The following LNX2 variants were observed in gnomAD, a reference collection of about 807,000 sequenced individuals.
LNX2 encodes the protein ligand of Numb protein X 2.
Under a neutral mutation model 66.2 loss-of-function variants are expected in LNX2, and 35 were observed. The ratio of observed to expected loss-of-function variants is 0.53; its 90% CI spans 0.40 to 0.70. LNX2 has a LOEUF of 0.70. LNX2 is among the 30% of genes least tolerant of loss of function. The pLI is 0.00. For synonymous variants in LNX2, 337 were observed against 315.6 expected, an observed-to-expected ratio of 1.07 and a Z score of -0.72; for missense variants, 791 against 850.8, an observed-to-expected ratio of 0.93 and a Z score of 0.87.
chr13:27,604,800 C>A (rs1241016155), intron 1 of LNX2, among the ~76,000 whole-genome samples: 1 of 151,018 alleles, frequency 6.6e-6, no homozygotes, highest in Non-Finnish European at 1.5e-5. Context: ...CTTATGCTTG[C>A]TCCTAAATTG....
chr13:27,592,256 T>C (rs1039310274), intron 1 of LNX2, among the ~76,000 whole-genome samples: 6 of 152,122 alleles, frequency 3.9e-5, no homozygotes, highest in African/African-American at 1.4e-4. Flanking sequence ...ATGATGAACA[T>C]AGTTGAGATA....
chr13:27,580,016 A>G (rs1477910499), intron 2 of LNX2, among the ~76,000 whole-genome samples: 2 of 152,172 alleles, frequency 1.3e-5, no homozygotes, highest in Non-Finnish European at 2.9e-5. Flanking sequence ...GCATTCTATA[A>G]ATCTAAATGT....
intron 1 of LNX2, among the ~76,000 whole-genome samples, chr13:27,586,293 C>T (rs1399069559): frequency 6.6e-6 from 1 of 152,016 alleles, no homozygotes; most frequent in African/African-American, 2.4e-5. Flanking sequence ...AAACCCATTC[C>T]TTCTGGCTTT....
intron 1 of LNX2, among the ~76,000 whole-genome samples, chr13:27,607,042 C>T (rs1420420785): frequency 6.6e-6 from 1 of 152,134 alleles, no homozygotes; most frequent in Non-Finnish European, 1.5e-5. Flanking sequence ...TTAATTATCA[C>T]ATTTATCTGC....
chr13:27,586,450 G>A (rs1172879090), intron 1 of LNX2, among the ~76,000 whole-genome samples: 1 of 152,156 alleles, frequency 6.6e-6, no homozygotes, highest in East Asian at 1.9e-4. Context: ...TGCTTTGTGT[G>A]CAAGCTGGCT....
intron 1 of LNX2, among the ~76,000 whole-genome samples, chr13:27,596,825 A>G (rs1439087712): frequency 6.6e-6 from 1 of 152,094 alleles, no homozygotes; most frequent in East Asian, 1.9e-4. Flanking sequence ...AAGGAAATAC[A>G]ATTGAATAGA....
intron 1 of LNX2, among the ~76,000 whole-genome samples, chr13:27,592,006 T>C (rs1955550303): frequency 6.6e-6 from 1 of 152,204 alleles, no homozygotes; most frequent in Non-Finnish European, 1.5e-5. Context: ...ATGTCCCTGG[T>C]GTGTTCAATG....
At position 27,567,874 on chromosome 13, in the gene LNX2, T is replaced by C. The variant is rs755705226; in HGVS notation, c.656-35A>G. 8 of 1,571,802 alleles carry C rather than the reference T, an allele frequency of 5.1e-6. No homozygotes were observed. In the African/African-American group the frequency reaches 6.8e-5, roughly 13 times the overall value. On this transcript the variant is annotated intron_variant, in intron 3 of 9. Coordinates refer to ENST00000316334, the MANE Select transcript of LNX2 (RefSeq NM_153371.4). Reference sequence around the variant, plus strand: ...TAAAAATGAGACAGACAAAAACAGATGTTAAAAAAATAAACAAACCCAACA... The same window carrying C: ...TAAAAATGAGACAGACAAAAACAGACGTTAAAAAAATAAACAAACCCAACA...
chr13:27,558,074 T>C (rs189337676), intron 6 of LNX2, among the ~76,000 whole-genome samples: 3 of 151,502 alleles, frequency 2.0e-5, no homozygotes, highest in Admixed American at 1.3e-4. Flanking sequence ...AGGAACTTCC[T>C]AAAACAAACA....
intron 1 of LNX2, among the ~76,000 whole-genome samples, chr13:27,598,033 A>T (rs901933402): frequency 2.0e-5 from 3 of 152,176 alleles, no homozygotes; most frequent in African/African-American, 7.2e-5. Flanking sequence ...TCAATTTACA[A>T]CAAATGTCCA....
intron 1 of LNX2, among the ~76,000 whole-genome samples, chr13:27,619,407 G>T (rs1466203068): frequency 6.6e-6 from 1 of 152,116 alleles, no homozygotes; most frequent in Non-Finnish European, 1.5e-5. Flanking sequence ...GTGCTGCATC[G>T]AAGTACATGC....
At chr13:27,616,434 A>G (rs928078306) in intron 1 of LNX2, among the ~76,000 whole-genome samples, 1 of 152,184 alleles carries the variant, frequency 6.6e-6, no homozygotes, top group East Asian at 1.9e-4. Flanking sequence ...TCAGAGAGGT[A>G]TAACAAGTCA....
intron 1 of LNX2, among the ~76,000 whole-genome samples, chr13:27,596,024 A>G (rs1160210437): frequency 1.3e-5 from 2 of 152,192 alleles, no homozygotes; most frequent in Non-Finnish European, 2.9e-5. Context: ...TATTAAACAC[A>G]CGTATCTATG....
intron 8 of LNX2, among the ~76,000 whole-genome samples, chr13:27,552,531 A>G (rs1459250666): frequency 3.3e-5 from 5 of 152,246 alleles, no homozygotes; most frequent in African/African-American, 1.2e-4. Context: ...GTAAGAATCT[A>G]AACGGATTAG....
At chr13:27,619,144 G>T (rs1955861582) in intron 1 of LNX2, among the ~76,000 whole-genome samples, 1 of 152,246 alleles carries the variant, frequency 6.6e-6, no homozygotes, top group African/African-American at 2.4e-5. Flanking sequence ...CGAATTAAAA[G>T]TGATGTTATT....
chr13:27,561,112 CTATT>C (rs371063971), intron 5 of LNX2, among the ~76,000 whole-genome samples: 17 of 152,246 alleles, frequency 1.1e-4, no homozygotes, highest in African/African-American at 3.6e-4. Context: ...TACGTTGAAA[CTATT>C]TATAACATCC....
At chr13:27,548,502 C>T (rs1488976462) in intron 9 of LNX2, 32 bp from the exon 10 acceptor site, 5 of 1,592,354 alleles carry the variant, frequency 3.1e-6, no homozygotes, top group Non-Finnish European at 4.3e-6. Flanking sequence ...CAGAATGTTA[C>T]TATTTTCATG....
chr13:27,548,539 T>C (rs1954970498), intron 9 of LNX2, 69 bp from the exon 10 acceptor site: 2 of 1,515,664 alleles, frequency 1.3e-6, no homozygotes, highest in Non-Finnish European at 1.8e-6. Context: ...AATTGAGATT[T>C]ATGTAGCATG....
chr13:27,608,543 C>T (rs901371969), intron 1 of LNX2, among the ~76,000 whole-genome samples: 1 of 151,872 alleles, frequency 6.6e-6, no homozygotes, highest in Non-Finnish European at 1.5e-5. Context: ...ATATACACTG[C>T]GATTTTAAAA....
Sources: gnomAD v4.1 joint callset for allele counts (sites outside exome capture counted in the v4.1 genomes callset) on GRCh38, gnomAD v4.1.1 for gene constraint, MANE v1.5 for transcripts, NCBI Gene and HGNC (gene_info 2026-07-23, HGNC 2026-07-21) for gene names.